Variants in ZMYM4 observed in about 807,000 individuals in gnomAD.
The protein encoded by ZMYM4 is zinc finger MYM-type protein 4.
A neutral mutation model predicts 183.2 loss-of-function variants in ZMYM4; 31 were observed. That is an observed-to-expected ratio of 0.17 (90% CI 0.13 to 0.23). The LOEUF is 0.23. Ranked by LOEUF, ZMYM4 falls within the 10% of genes least tolerant of loss-of-function variation. ZMYM4 has a pLI of 1.00. For missense variants in ZMYM4, 1,273 were observed against 1,840.3 expected, an observed-to-expected ratio of 0.69 and a Z score of 5.64; for synonymous variants, 592 against 631.2, an observed-to-expected ratio of 0.94 and a Z score of 0.93.
At chr1:35,359,840 T>C (rs541395378) in intron 3 of ZMYM4, among the ~76,000 whole-genome samples, 10 of 152,152 alleles carry the variant, frequency 6.6e-5, no homozygotes, top group African/African-American at 2.4e-4. Context: ...ATTTTATTTT[T>C]TTAATTTTAA....
At chr1:35,325,112 ATAAG>A (rs1219094598) in intron 1 of ZMYM4, among the ~76,000 whole-genome samples, 1 of 152,182 alleles carries the variant, frequency 6.6e-6, no homozygotes, top group Non-Finnish European at 1.5e-5. Context: ...GATTAAAAAA[ATAAG>A]TAGTTGTTTA....
At position 35,279,369 on chromosome 1, in the gene ZMYM4, G is replaced by A. The variant is rs372089601; in HGVS notation, c.39+10284G>A. Among the ~76,000 whole-genome samples, 3 of 152,108 alleles carry A rather than the reference G, an allele frequency of 2.0e-5. No individual in the cohort carries two copies. The East Asian group carries it at 5.8e-4, about 29-fold the overall frequency. On this transcript the variant is annotated intron_variant, in intron 1 of 29. Coordinates refer to ENST00000314607, the MANE Select transcript of ZMYM4 (RefSeq NM_005095.3). ...ATCAAGGGGGTCCATATCATTAGACGAGAGGATTCTTCACAGTTCCTTACT... is the reference window on the plus strand; with the variant it reads ...ATCAAGGGGGTCCATATCATTAGACAAGAGGATTCTTCACAGTTCCTTACT...
intron 1 of ZMYM4, among the ~76,000 whole-genome samples, chr1:35,293,050 G>A (rs1640837671): frequency 6.6e-6 from 1 of 150,898 alleles, no homozygotes; most frequent in African/African-American, 2.4e-5. Flanking sequence ...ACCCAGGCTG[G>A]AGTATGGTGG....
Position 35,381,680 on chromosome 1 carries a change from G to T in ZMYM4, c.1491G>T (p.Ser497=), listed in dbSNP as rs769276587. The change falls in exon 9 of 30, where the codon TCG becomes TCT. Residue 497 remains serine (S), a synonymous_variant. Transcript: ENST00000314607. ...GTGGGGGTTACTGTTACAGTGGGTC[G>T]GGACAATGCCACATGCTTCAGATAG... ...ENCGGYCYSG[S]GQCHMLQIEG... The T allele has an allele frequency of 6.2e-7, 1 of 1,614,178 alleles. No homozygotes were observed.
rs772279718 is a variant in ZMYM4, at chr1:35,387,031, A to C, written c.1865A>C (p.Asn622Thr). 4 of 1,613,890 alleles carry C rather than the reference A, an allele frequency of 2.5e-6. No individual in the cohort carries two copies. The highest frequency in any genetic ancestry group is 3.4e-6 in the Non-Finnish European group (4 of 1,179,928). The stretch of plus-strand genomic sequence containing the variant: ...TTATTCAACAAACCAACTGGAATGA[A>C]TTCTTCAGTAGTGCCCTTGTCTCAG... Reference protein sequence around the residue: ...QNLFNKPTGMNSSVVPLSQGQ... With the variant: ...QNLFNKPTGMTSSVVPLSQGQ... The change falls in exon 12 of 30, where the codon AAT becomes ACT. Residue 622 changes from asparagine to threonine, a missense_variant. By Grantham distance (65) the Asn-to-Thr change is moderately conservative. Coordinates refer to ENST00000314607, the MANE Select transcript of ZMYM4 (RefSeq NM_005095.3).
intron 7 of ZMYM4, among the ~76,000 whole-genome samples, chr1:35,375,689 G>C (rs1328725162): frequency 1.3e-5 from 2 of 152,126 alleles, no homozygotes; most frequent in Admixed American, 1.3e-4. Flanking sequence ...TCATATCTCA[G>C]CCTGTTGAAT....
chr1:35,389,503 C>T lies in ZMYM4; in HGVS notation c.2436+421C>T, dbSNP rs1446198585. Among the ~76,000 whole-genome samples, 3 of 151,826 alleles carry T rather than the reference C, an allele frequency of 2.0e-5. No individual in the cohort carries two copies. Among genetic ancestry groups the T allele is most frequent in the South Asian group, 2.1e-4 (1 of 4,812 alleles). ...GGCGCGGTGGCTCACGCCTGTAATCCCAGCACTTTGGGAGGCCGAGGCGGG... is the reference window on the plus strand; with the variant it reads ...GGCGCGGTGGCTCACGCCTGTAATCTCAGCACTTTGGGAGGCCGAGGCGGG... On this transcript the variant is annotated intron_variant, in intron 14 of 29. Coordinates refer to ENST00000314607, the MANE Select transcript of ZMYM4 (RefSeq NM_005095.3). The surrounding 1 kb of genome is among the most constrained non-coding windows in gnomAD (Gnocchi z 4.0).
chr1:35,402,373 T>C (rs1337683786), intron 23 of ZMYM4, among the ~76,000 whole-genome samples: 2 of 152,192 alleles, frequency 1.3e-5, no homozygotes, highest in East Asian at 3.8e-4. Flanking sequence ...CCTAGTACTT[T>C]GGGAGGCTAA....
intron 1 of ZMYM4, among the ~76,000 whole-genome samples, chr1:35,284,974 C>T (rs1344482506): frequency 6.6e-6 from 1 of 152,166 alleles, no homozygotes; most frequent in African/African-American, 2.4e-5. Context: ...TACAAACATT[C>T]AGACCATAAC....
chr1:35,278,557 C>G (rs182792437), intron 1 of ZMYM4, among the ~76,000 whole-genome samples: 2 of 152,056 alleles, frequency 1.3e-5, no homozygotes, highest in African/African-American at 2.4e-5. Flanking sequence ...TCCCAAGTAG[C>G]TGGGACTACA....
chr1:35,344,296 C>G (rs1302738883), intron 2 of ZMYM4, among the ~76,000 whole-genome samples: 2 of 152,080 alleles, frequency 1.3e-5, no homozygotes, highest in Non-Finnish European at 2.9e-5. Context: ...TCAAGTGATC[C>G]ACCTGCCTCG....
At chr1:35,328,834 C>T (rs904376413) in intron 2 of ZMYM4, among the ~76,000 whole-genome samples, 1 of 151,930 alleles carries the variant, frequency 6.6e-6, no homozygotes, top group Non-Finnish European at 1.5e-5. Flanking sequence ...GCTCCGATAC[C>T]AAAGATGATC....
intron 13 of ZMYM4, among the ~76,000 whole-genome samples, chr1:35,387,924 T>C (rs1197553311): frequency 6.6e-6 from 1 of 152,210 alleles, no homozygotes; most frequent in Non-Finnish European, 1.5e-5. Context: ...TATTTCTAAA[T>C]GGGATGCCTT....
chr1:35,354,227 AT>A (rs1643733006), intron 2 of ZMYM4, among the ~76,000 whole-genome samples: 1 of 152,052 alleles, frequency 6.6e-6, no homozygotes, highest in Non-Finnish European at 1.5e-5. Flanking sequence ...AGATTTAAAA[AT>A]TTTTTTTCAC....
At chr1:35,304,490 C>T (rs890757564) in intron 1 of ZMYM4, among the ~76,000 whole-genome samples, 15 of 149,656 alleles carry the variant, frequency 1.0e-4, no homozygotes, top group South Asian at 2.1e-4. Context: ...CGGGATCTGG[C>T]TCTGTCATCC....
At chr1:35,298,499 C>T (rs1641124769) in intron 1 of ZMYM4, among the ~76,000 whole-genome samples, 1 of 152,174 alleles carries the variant, frequency 6.6e-6, no homozygotes, top group Non-Finnish European at 1.5e-5. Context: ...GTCTGTCTCC[C>T]ATAGGGGTGC....
At chr1:35,407,428 CAAAA>C (rs548295593) in intron 25 of ZMYM4, among the ~76,000 whole-genome samples, 8 of 77,562 alleles carry the variant, frequency 1.0e-4, no homozygotes, top group South Asian at 4.2e-4. Flanking sequence ...AATTCCATCT[CAAAA>C]AAAAAAAAAA....
intron 2 of ZMYM4, among the ~76,000 whole-genome samples, chr1:35,344,920 T>C (rs978459785): frequency 1.3e-5 from 2 of 152,252 alleles, no homozygotes; most frequent in African/African-American, 4.8e-5. Flanking sequence ...CTAAGTGTTT[T>C]ATTTACTCAA....
At chr1:35,280,951 C>T (rs184735326) in intron 1 of ZMYM4, among the ~76,000 whole-genome samples, 3 of 152,178 alleles carry the variant, frequency 2.0e-5, no homozygotes, top group Admixed American at 6.5e-5. Flanking sequence ...TCTTCAAGGT[C>T]GGCACCTCGA....
Sources: gnomAD v4.1 joint callset for allele counts (sites outside exome capture counted in the v4.1 genomes callset) on GRCh38, gnomAD v4.1.1 for gene constraint, Gnocchi (gnomAD v3.1) non-coding constraint, MANE v1.5 for transcripts, NCBI Gene and HGNC (gene_info 2026-07-23, HGNC 2026-07-21) for gene names.